The following KAZN variants were observed in gnomAD, a reference collection of about 807,000 sequenced individuals.
KAZN encodes the protein kazrin.
KAZN carries 40 observed loss-of-function variants against 87.4 expected under a neutral mutation model. The observed-to-expected ratio is 0.46, with a 90% CI of 0.36 to 0.60. The LOEUF is 0.60. Among genes scored for constraint, KAZN ranks in the 20% least tolerant of loss-of-function variants. The pLI, the probability that KAZN is intolerant of heterozygous loss-of-function variation, is 0.00. For synonymous variants in KAZN, 466 were observed against 458.3 expected (o/e 1.02, Z -0.22); for missense variants, 898 against 1,073.9 (o/e 0.84, Z 2.29).
intron 2 of KAZN, among the ~76,000 whole-genome samples, chr1:14,346,980 A>C (rs1018101246): frequency 3.3e-5 from 5 of 152,184 alleles, no homozygotes; most frequent in African/African-American, 1.2e-4. Flanking sequence ...CCTACAAAAA[A>C]CTGCTATGGG....
chr1:14,870,853 T>C (rs773534372), intron 1 of KAZN, among the ~76,000 whole-genome samples: 4 of 152,158 alleles, frequency 2.6e-5, no homozygotes, highest in Non-Finnish European at 5.9e-5. Context: ...CACAACCAAG[T>C]GTGCAAGAAA....
intron 2 of KAZN, among the ~76,000 whole-genome samples, chr1:14,295,511 C>T (rs185652818): frequency 6.6e-6 from 1 of 152,208 alleles, no homozygotes; most frequent in African/African-American, 2.4e-5. Context: ...CAGAGATACG[C>T]ACCAAAGAGT....
chr1:14,051,495 T>G (rs1309714400), intron 1 of KAZN, among the ~76,000 whole-genome samples: 1 of 152,196 alleles, frequency 6.6e-6, no homozygotes, highest in Non-Finnish European at 1.5e-5. Context: ...GTTTGCATCA[T>G]GCACTGCAAG....
intron 2 of KAZN, among the ~76,000 whole-genome samples, chr1:14,191,582 G>A (rs1646420515): frequency 6.6e-6 from 1 of 152,098 alleles, no homozygotes; most frequent in Non-Finnish European, 1.5e-5. Context: ...GAACACGTCT[G>A]GGAGTCATCA....
chr1:14,972,815 G>A (rs114452120), intron 2 of KAZN, among the ~76,000 whole-genome samples: 7,127 of 151,978 alleles, frequency 0.047, 556 homozygotes, highest in African/African-American at 0.16. Context: ...GTGCCTGGCC[G>A]TGAGCTCTTT....
chr1:14,127,781 GGCTTTGAGTTGGT>G (rs1412551283), intron 1 of KAZN, among the ~76,000 whole-genome samples: 3 of 152,170 alleles, frequency 2.0e-5, no homozygotes, highest in Non-Finnish European at 4.4e-5. Flanking sequence ...CTGTGTGCCA[GGCTTTGAGTTGGT>G]GCTTTGAGTC....
chr1:14,123,036 A>C (rs1644785642), intron 1 of KAZN, among the ~76,000 whole-genome samples: 1 of 152,218 alleles, frequency 6.6e-6, no homozygotes, highest in African/African-American at 2.4e-5. Flanking sequence ...AATCCAGAAA[A>C]GATGTAAAAA....
chr1:14,988,446 T>C (rs1667042139), intron 2 of KAZN, among the ~76,000 whole-genome samples: 2 of 152,220 alleles, frequency 1.3e-5, no homozygotes, highest in Non-Finnish European at 2.9e-5. Context: ...GCCTGGCAGC[T>C]CCACCCGGCC....
At chr1:14,126,885 C>T (rs907811248) in intron 1 of KAZN, among the ~76,000 whole-genome samples, 16 of 152,198 alleles carry the variant, frequency 1.1e-4, no homozygotes, top group Admixed American at 6.5e-5. Context: ...GTGGGCAGAT[C>T]ATTTGAGATC....
At chr1:14,510,062 G>C (rs1312083045) in intron 2 of KAZN, among the ~76,000 whole-genome samples, 1 of 152,174 alleles carries the variant, frequency 6.6e-6, no homozygotes, top group African/African-American at 2.4e-5. Flanking sequence ...GCCAGACATA[G>C]ATCTCCGGTG....
chr1:14,433,459 T>G (rs553013016), intron 2 of KAZN, among the ~76,000 whole-genome samples: 1 of 152,200 alleles, frequency 6.6e-6, no homozygotes, highest in Non-Finnish European at 1.5e-5. Context: ...ATGCACGTGT[T>G]GAAGCCCTGT....
chr1:14,493,732 T>C (rs1172877417), intron 2 of KAZN, among the ~76,000 whole-genome samples: 2 of 152,224 alleles, frequency 1.3e-5, no homozygotes, highest in Non-Finnish European at 2.9e-5. Context: ...TTATGTCTGA[T>C]TTCATTATAG....
intron 1 of KAZN, among the ~76,000 whole-genome samples, chr1:14,116,149 C>G (rs1225001458): frequency 6.6e-6 from 1 of 152,158 alleles, no homozygotes; most frequent in African/African-American, 2.4e-5. Flanking sequence ...GAGGAGAAAT[C>G]CAAGCTGACT....
intron 2 of KAZN, among the ~76,000 whole-genome samples, chr1:14,993,778 A>G (rs1210420886): frequency 6.6e-6 from 1 of 152,200 alleles, no homozygotes; most frequent in East Asian, 1.9e-4. Flanking sequence ...GAGAGGGGTC[A>G]CAAGCCCACA....
chr1:14,607,491 G>A (rs1474170460), intron 1 of KAZN, among the ~76,000 whole-genome samples: 1 of 152,170 alleles, frequency 6.6e-6, no homozygotes, highest in Non-Finnish European at 1.5e-5. Flanking sequence ...TTCTAATGTT[G>A]GCATTGTGGC....
At chr1:13,963,226 GGC>G (rs1446830771) in intron 1 of KAZN, among the ~76,000 whole-genome samples, 5 of 152,098 alleles carry the variant, frequency 3.3e-5, no homozygotes, top group Non-Finnish European at 7.4e-5. Flanking sequence ...ATAGGCTGAG[GGC>G]TACTTTCAAG....
At chr1:13,945,704 T>TGAGAGAGAGAGA (rs1488989946) in intron 1 of KAZN, among the ~76,000 whole-genome samples, 1 of 139,690 alleles carries the variant, frequency 7.2e-6, no homozygotes, top group African/African-American at 2.7e-5. Context: ...TGTGTGTGTG[T>TGAGAGAGAGAGA]GTGTGTGAGA....
intron 13 of KAZN, among the ~76,000 whole-genome samples, chr1:15,109,828 G>A (rs1441272824): frequency 9.6e-6 from 1 of 103,970 alleles, no homozygotes; most frequent in East Asian, 8.6e-4. Context: ...GTATGTATGT[G>A]TATGTGGTGT....
intron 1 of KAZN, among the ~76,000 whole-genome samples, chr1:14,112,920 C>G (rs951868827): frequency 2.0e-5 from 3 of 152,212 alleles, no homozygotes; most frequent in Non-Finnish European, 4.4e-5. Context: ...CAGCAGAGTT[C>G]AAAGTGCTGT....
Sources: gnomAD v4.1 joint callset for allele counts (sites outside exome capture counted in the v4.1 genomes callset) on GRCh38, gnomAD v4.1.1 for gene constraint, MANE v1.5 for transcripts, NCBI Gene and HGNC (gene_info 2026-07-23, HGNC 2026-07-21) for gene names.